Variants in MBNL1 observed in about 807,000 individuals in gnomAD.
MBNL1 encodes the protein muscleblind like splicing regulator 1.
In MBNL1, 8 loss-of-function variants were observed where a neutral mutation model predicts 42.2. The ratio of observed to expected loss-of-function variants is 0.19; its 90% CI spans 0.11 to 0.34. The LOEUF is 0.34. MBNL1 is among the 10% of genes least tolerant of loss of function. The pLI is 1.00. For missense variants in MBNL1, 309 were observed against 495.3 expected, an observed-to-expected ratio of 0.62 and a Z score of 3.57; for synonymous variants, 169 against 173.9, an observed-to-expected ratio of 0.97 and a Z score of 0.22.
chr3:152,394,865 C>CT (rs1448542502), intron 2 of MBNL1, among the ~76,000 whole-genome samples: 1 of 151,994 alleles, frequency 6.6e-6, no homozygotes, highest in African/African-American at 2.4e-5. Context: ...GTTAATTTTT[C>CT]TTTTTTTGTC....
At chr3:152,328,137 T>C (rs1054893943) in intron 2 of MBNL1, among the ~76,000 whole-genome samples, 2 of 152,142 alleles carry the variant, frequency 1.3e-5, no homozygotes, top group African/African-American at 4.8e-5. Context: ...CTTTATCTCC[T>C]ATAGTGTGTG....
chr3:152,340,567 G>A, intron 2 of MBNL1: 1 of 1,613,536 alleles, frequency 6.2e-7, no homozygotes, highest in Non-Finnish European at 8.5e-7. Context: ...AGCTACAACT[G>A]ACAGGATCTG....
chr3:152,449,445 T>C (rs1380422935), intron 6 of MBNL1: 2 of 152,214 alleles, frequency 1.3e-5, no homozygotes, highest in Non-Finnish European at 2.9e-5. Context: ...TAAAGAAAGC[T>C]GAAAAAATCT....
At chr3:152,252,094 T>C (rs1365821134) in intron 2 of MBNL1, among the ~76,000 whole-genome samples, 2 of 151,820 alleles carry the variant, frequency 1.3e-5, no homozygotes, top group Non-Finnish European at 2.9e-5. Flanking sequence ...TTGTTCACAT[T>C]TGACCAATGG....
intron 5 of MBNL1, 79 bp downstream of exon 5, chr3:152,445,618 C>T (rs1451928111): frequency 9.1e-6 from 13 of 1,432,890 alleles, no homozygotes; most frequent in African/African-American, 1.4e-5. Flanking sequence ...ACAAGCTATT[C>T]ATTTAGTAAC....
chr3:152,348,521 G>C (rs2094554924), intron 2 of MBNL1, among the ~76,000 whole-genome samples: 2 of 152,086 alleles, frequency 1.3e-5, no homozygotes, highest in South Asian at 4.1e-4. Flanking sequence ...TTATAGTACA[G>C]TCATAATCTT....
chr3:152,259,139 T>G (rs1280334168), intron 2 of MBNL1, among the ~76,000 whole-genome samples: 2 of 152,210 alleles, frequency 1.3e-5, no homozygotes, highest in Non-Finnish European at 2.9e-5. Context: ...AACTTTTTCT[T>G]TACTTAATTG....
At chr3:152,441,871 C>T (rs541746472) in intron 4 of MBNL1, among the ~76,000 whole-genome samples, 20 of 152,268 alleles carry the variant, frequency 1.3e-4, no homozygotes, top group South Asian at 4.1e-4. Flanking sequence ...TGGCTCACTG[C>T]GACCTCCACT....
At chr3:152,392,239 C>T (rs1453393609) in intron 2 of MBNL1, among the ~76,000 whole-genome samples, 4 of 152,010 alleles carry the variant, frequency 2.6e-5, no homozygotes, top group Admixed American at 6.6e-5. Context: ...ATATAATCCC[C>T]TGCTTAGGTA....
chr3:152,334,523 T>C (rs2088025262), intron 2 of MBNL1, among the ~76,000 whole-genome samples: 1 of 152,224 alleles, frequency 6.6e-6, no homozygotes, highest in South Asian at 2.1e-4. Context: ...AGGAAGTCAT[T>C]ACTTCTGTAA....
intron 2 of MBNL1, among the ~76,000 whole-genome samples, chr3:152,346,045 A>T (rs190111763): frequency 1.6e-4 from 25 of 152,184 alleles, no homozygotes; most frequent in African/African-American, 4.8e-4. Flanking sequence ...GACTGATGGG[A>T]ATTGACAGTC....
At chr3:152,431,888 A>C (rs1264516131) in intron 3 of MBNL1, among the ~76,000 whole-genome samples, 1 of 152,250 alleles carries the variant, frequency 6.6e-6, no homozygotes, top group Non-Finnish European at 1.5e-5. Flanking sequence ...TATGATATGC[A>C]AGTTTGCATA....
intron 4 of MBNL1, among the ~76,000 whole-genome samples, chr3:152,444,293 C>T (rs1245708360): frequency 6.6e-6 from 1 of 152,082 alleles, no homozygotes; most frequent in Non-Finnish European, 1.5e-5. Context: ...GTCAAAATTG[C>T]GCAGATGAAT....
upstream of MBNL1, chr3:152,263,428 C>T (rs544984678): frequency 2.6e-5 from 4 of 152,290 alleles, no homozygotes; most frequent in East Asian, 7.7e-4. Flanking sequence ...CCACATCTCC[C>T]TTCCCTCAAG....
At chr3:152,313,088 T>G (rs1245431661) in intron 2 of MBNL1, among the ~76,000 whole-genome samples, 1 of 151,938 alleles carries the variant, frequency 6.6e-6, no homozygotes, top group Admixed American at 6.6e-5. Flanking sequence ...AATGGCACGA[T>G]CTCGGCTCAC....
intron 2 of MBNL1, chr3:152,335,274 A>G (rs2088960591): frequency 7.8e-7 from 1 of 1,289,462 alleles, no homozygotes; most frequent in Non-Finnish European, 1.0e-6. Flanking sequence ...CTAAGATACC[A>G]TTTGGGTAGG....
chr3:152,385,326 G>GTATA (rs1330861456), intron 2 of MBNL1, among the ~76,000 whole-genome samples: 1 of 151,950 alleles, frequency 6.6e-6, no homozygotes, highest in East Asian at 1.9e-4. Flanking sequence ...TGCCCACAGG[G>GTATA]TATAGAGAAA....
chr3:152,418,326 C>T (rs899065634), intron 3 of MBNL1, among the ~76,000 whole-genome samples: 64 of 151,966 alleles, frequency 4.2e-4, no homozygotes, highest in African/African-American at 1.5e-3. Context: ...TGTGGAAGCA[C>T]CTAATTGGAG....
At chr3:152,260,790 C>T (rs539342463) in intron 2 of MBNL1, among the ~76,000 whole-genome samples, 4 of 152,266 alleles carry the variant, frequency 2.6e-5, no homozygotes, top group African/African-American at 7.2e-5. Context: ...AATGCTTACC[C>T]GGCATAAAGT....
Sources: gnomAD v4.1 joint callset for allele counts (sites outside exome capture counted in the v4.1 genomes callset) on GRCh38, gnomAD v4.1.1 for gene constraint, MANE v1.5 for transcripts, NCBI Gene and HGNC (gene_info 2026-07-23, HGNC 2026-07-21) for gene names.